ALKBH3: variants seen among roughly 807,000 people sequenced by gnomAD.
The protein encoded by ALKBH3 is alpha-ketoglutarate-dependent dioxygenase alkB homolog 3.
Under a neutral mutation model 43.9 loss-of-function variants are expected in ALKBH3, and 51 were observed. That is an observed-to-expected ratio of 1.16 (90% CI 0.93 to 1.47). ALKBH3 has a LOEUF of 1.47. ALKBH3 is among the 40% of genes most tolerant of loss of function. The pLI is 0.00. For missense variants in ALKBH3, 361 were observed against 351.9 expected (o/e 1.03, Z -0.21); for synonymous variants, 102 against 115.2 (o/e 0.89, Z 0.73).
chr11:43,920,163 C>T lies in ALKBH3; in HGVS notation c.*153C>T, dbSNP rs1952015585. ...AGCTTGGAGTCCTATTAAATGAAAG[C>T]CAGCAACTCATGTTGGTAATAGGTC... On this transcript the variant is annotated 3_prime_UTR_variant, in exon 10 of 10. Coordinates refer to ENST00000302708, the MANE Select transcript of ALKBH3 (RefSeq NM_139178.4). 5 of 647,344 alleles carry T rather than the reference C, an allele frequency of 7.7e-6. No homozygotes were observed. The South Asian group carries it at 9.4e-5, about 12-fold the overall frequency. 40.1% of individuals were successfully genotyped at this position (647,344 alleles called of 1,614,324 possible).
At chr11:43,912,463 G>A (rs1265587360) in intron 8 of ALKBH3, 2 of 152,214 alleles carry the variant, frequency 1.3e-5, no homozygotes, top group Admixed American at 1.3e-4. Flanking sequence ...TAGTTACTGT[G>A]TGCCAGGTGC....
chr11:43,883,215 G>A, intron 3 of ALKBH3, 27 bp downstream of exon 3: 3 of 1,571,038 alleles, frequency 1.9e-6, no homozygotes, highest in Non-Finnish European at 2.6e-6. Context: ...TTCTTCAATA[G>A]TGATAAAAAT....
chr11:43,917,646 T>A (rs1246895821), intron 8 of ALKBH3, among the ~76,000 whole-genome samples: 1 of 137,858 alleles, frequency 7.3e-6, no homozygotes, highest in Non-Finnish European at 1.5e-5. Flanking sequence ...TCTGTCTGGA[T>A]TTTTTTTTTA....
intron 8 of ALKBH3, among the ~76,000 whole-genome samples, chr11:43,918,306 G>A (rs570582396): frequency 6.6e-6 from 1 of 152,308 alleles, no homozygotes; most frequent in East Asian, 1.9e-4. Context: ...GACATAAATT[G>A]CTTTTGAGCT....
Position 43,901,537 on chromosome 11 carries a change from C to CT in ALKBH3, c.482dup (p.Asn163GlufsTer4), listed in dbSNP as rs1951863978. On this transcript the variant is annotated frameshift_variant, in exon 8 of 10. Transcript: ENST00000302708. LOFTEE classifies it high-confidence loss of function. ...GCAGTGGCACCCTGTGCTGCGCACA[C>CT]TAAAGAACCGCATTGAAGAGAACAC... is the stretch of plus-strand genomic sequence containing the variant. 1.2e-6 allele frequency: 2 copies of CT among 1,613,962 alleles called. No individual in the cohort carries two copies. The highest frequency in any genetic ancestry group is 1.7e-4 in the Middle Eastern group (1 of 5,828).
In ALKBH3 at chr11:43,899,517, C is replaced by T. The variant is rs570040185; in HGVS notation, c.460-1999C>T. On this transcript the variant is annotated intron_variant, in intron 7 of 9. Transcript: ENST00000302708. ...GGCTTCTCCCAGTTGAGTGCACCAC[C>T]ACCTTCTCCAGCCAGTCTCACTCCA... The T allele has an allele frequency of 2.3e-4, 156 of 692,472 alleles. No individual in the cohort carries two copies. In the African/African-American group the frequency reaches 2.6e-3, roughly 11 times the overall value. The allele number at this position is 692,472 out of a possible 1,614,324, so 42.9% of individuals were successfully genotyped here.
chr11:43,881,776 T>C (rs1951712900), intron 1 of ALKBH3, among the ~76,000 whole-genome samples: 1 of 152,176 alleles, frequency 6.6e-6, no homozygotes, highest in African/African-American at 2.4e-5. Flanking sequence ...CTTTGAGAAC[T>C]TGAGGTGTGA....
chr11:43,884,375 C>CTT (rs113557050), intron 4 of ALKBH3, among the ~76,000 whole-genome samples: 9 of 134,106 alleles, frequency 6.7e-5, no homozygotes, highest in South Asian at 2.3e-4. Context: ...TTAATTGCCT[C>CTT]TTTTTTTTTT....
intron 8 of ALKBH3, among the ~76,000 whole-genome samples, chr11:43,916,312 G>A (rs1951983028): frequency 6.6e-6 from 1 of 152,214 alleles, no homozygotes; most frequent in South Asian, 2.1e-4. Context: ...AGAAGCTTTA[G>A]AAAAGCATAA....
In ALKBH3 at chr11:43,898,500, A is replaced by G. The variant is rs983508147; in HGVS notation, c.460-3016A>G. On this transcript the variant is annotated intron_variant, in intron 7 of 9. Transcript: ENST00000302708. ...TGGACACCAACGGCTTGGTGAGAGCACTCGGGGAGGAAGCCCTGCTGAGAT... is the reference window on the plus strand; with the variant it reads ...TGGACACCAACGGCTTGGTGAGAGCGCTCGGGGAGGAAGCCCTGCTGAGAT... 1.9e-5 allele frequency: 18 copies of G among 942,318 alleles called. No individual in the cohort carries two copies. The Admixed American group carries it at 2.9e-4, about 15-fold the overall frequency. 58.4% of individuals were successfully genotyped at this position (942,318 alleles called of 1,614,324 possible). A position where few individuals can be genotyped will look rare whatever the true frequency, so the allele number is the denominator to read the frequency against.
In ALKBH3 at chr11:43,908,764, A is replaced by G. The variant is rs34923371; in HGVS notation, c.669+7039A>G. ...AGTCTGAACAGTAAACGCTGTCAGC[A>G]GGTATTTCATTCAATTTCATTGACA... On this transcript the variant is annotated intron_variant, in intron 8 of 9. Coordinates refer to ENST00000302708, the MANE Select transcript of ALKBH3 (RefSeq NM_139178.4). Among the ~76,000 whole-genome samples, 1,063 of 152,332 alleles carry G rather than the reference A, an allele frequency of 7.0e-3. 26 individuals are homozygous for G. The highest frequency in any genetic ancestry group is 0.056 in the East Asian group (289 of 5,186).
chr11:43,911,785 T>C (rs565783750), intron 8 of ALKBH3, among the ~76,000 whole-genome samples: 3 of 152,226 alleles, frequency 2.0e-5, no homozygotes, highest in African/African-American at 7.2e-5. Flanking sequence ...ATAGACCATA[T>C]GTAAAACTGT....
chr11:43,882,043 C>T (rs972831635), intron 1 of ALKBH3, among the ~76,000 whole-genome samples: 1 of 152,150 alleles, frequency 6.6e-6, no homozygotes, highest in Non-Finnish European at 1.5e-5. Context: ...CATCATTGAA[C>T]TTTACCGTCC....
Position 43,920,096 on chromosome 11 carries a change from C to A in ALKBH3, c.*86C>A. 1 of 1,267,960 alleles carries A rather than the reference C, an allele frequency of 7.9e-7. No homozygotes were observed. Among genetic ancestry groups the A allele is most frequent in the Non-Finnish European group, 1.1e-6 (1 of 882,898 alleles). The allele number at this position is 1,267,960 out of a possible 1,614,324, so 78.5% of individuals were successfully genotyped here. A position where few individuals can be genotyped will look rare whatever the true frequency, so the allele number is the denominator to read the frequency against. On this transcript the variant is annotated 3_prime_UTR_variant, in exon 10 of 10. Coordinates refer to ENST00000302708, the MANE Select transcript of ALKBH3 (RefSeq NM_139178.4). ...CTTCAAGAGGCTGGTGCTGCTAGAT[C>A]TCATGATGTGGCTGTTGGGAAGATG...
intron 7 of ALKBH3, among the ~76,000 whole-genome samples, chr11:43,894,320 T>C (rs143280647): frequency 1.1e-4 from 16 of 152,320 alleles, no homozygotes; most frequent in African/African-American, 3.8e-4. Context: ...ATCCACTGAA[T>C]AGGTCCTTTC....
intron 3 of ALKBH3, among the ~76,000 whole-genome samples, chr11:43,883,586 A>G (rs1263587702): frequency 6.6e-6 from 1 of 152,234 alleles, no homozygotes; most frequent in African/African-American, 2.4e-5. Context: ...CATGAGGAAA[A>G]ATGTAGGAAA....
At position 43,882,416 on chromosome 11, in the gene ALKBH3, C is replaced by T. The variant is rs111306249; in HGVS notation, c.-70-167C>T. On this transcript the variant is annotated intron_variant, in intron 1 of 9. Transcript: ENST00000302708. ...AAAAGGTGAATGCTAAAGCCAGCAG[C>T]CCCAAATGACTAGGCTTCTTGAATG... is the stretch of plus-strand genomic sequence containing the variant. 1.3e-3 allele frequency among the ~76,000 whole-genome samples: 198 copies of T among 152,262 alleles called. 1 individual carries two copies. Among genetic ancestry groups the T allele is most frequent in the African/African-American group, 4.6e-3 (191 of 41,548 alleles).
intron 1 of ALKBH3, among the ~76,000 whole-genome samples, chr11:43,882,006 T>C (rs1432725434): frequency 6.6e-6 from 1 of 152,216 alleles, no homozygotes; most frequent in Non-Finnish European, 1.5e-5. Flanking sequence ...ATCTGTCTGT[T>C]GTTGATTTCC....
At chr11:43,885,451 A>G (rs530181667) in intron 4 of ALKBH3, among the ~76,000 whole-genome samples, 13 of 152,228 alleles carry the variant, frequency 8.5e-5, no homozygotes, top group Non-Finnish European at 1.6e-4. Flanking sequence ...TCATACATCT[A>G]CTTAAAAGCC....
Sources: gnomAD v4.1 joint callset for allele counts (sites outside exome capture counted in the v4.1 genomes callset) on GRCh38, gnomAD v4.1.1 for gene constraint, MANE v1.5 for transcripts, NCBI Gene and HGNC (gene_info 2026-07-23, HGNC 2026-07-21) for gene names.